The following GRM1 variants were observed in gnomAD, a reference collection of about 807,000 sequenced individuals.
GRM1 encodes metabotropic glutamate receptor 1.
A neutral mutation model predicts 90.9 loss-of-function variants in GRM1; 33 were observed. That is an observed-to-expected ratio of 0.36 (90% CI 0.28 to 0.49). The LOEUF (loss-of-function observed/expected upper bound fraction) is 0.49, where lower values mean the gene tolerates loss of function less well. Among genes scored for constraint, GRM1 ranks in the 20% least tolerant of loss-of-function variants. The probability of loss-of-function intolerance (pLI) is 0.99; values close to 1 mark genes in which losing one functional copy is unlikely to be tolerated. For missense variants in GRM1, 1,190 were observed against 1,534.3 expected (o/e 0.78, Z 3.75); for synonymous variants, 700 against 613.2 (o/e 1.14, Z -2.09).
chr6:146,069,956 A>G (rs1205920972), intron 1 of GRM1, among the ~76,000 whole-genome samples: 2 of 152,188 alleles, frequency 1.3e-5, no homozygotes, highest in Non-Finnish European at 2.9e-5. Context: ...TATAAGATGG[A>G]GGAGATGGGA....
intron 1 of GRM1, among the ~76,000 whole-genome samples, chr6:146,055,098 G>C (rs533392680): frequency 4.6e-5 from 7 of 152,206 alleles, no homozygotes; most frequent in African/African-American, 1.7e-4. Flanking sequence ...AATTAATACA[G>C]CACCTGGCAC....
At chr6:146,174,383 T>A (rs1388693513) in intron 2 of GRM1, among the ~76,000 whole-genome samples, 1 of 152,206 alleles carries the variant, frequency 6.6e-6, no homozygotes, top group African/African-American at 2.4e-5. Context: ...GCTCATCAAA[T>A]ATAGCACATT....
chr6:146,179,513 T>C (rs1038427136), intron 2 of GRM1, among the ~76,000 whole-genome samples: 1 of 152,158 alleles, frequency 6.6e-6, no homozygotes, highest in Non-Finnish European at 1.5e-5. Flanking sequence ...TCAGAACTTT[T>C]TTTGTTTTGT....
chr6:146,209,394 G>T (rs1779604381), intron 2 of GRM1, among the ~76,000 whole-genome samples: 1 of 151,956 alleles, frequency 6.6e-6, no homozygotes, highest in Admixed American at 6.6e-5. Context: ...GGTGAAGGTT[G>T]GTAAAATTTG....
At chr6:146,179,323 G>C (rs967991043) in intron 2 of GRM1, among the ~76,000 whole-genome samples, 1 of 152,142 alleles carries the variant, frequency 6.6e-6, no homozygotes, top group African/African-American at 2.4e-5. Context: ...TTTTGAGCTT[G>C]CAGAGAGATG....
intron 1 of GRM1, among the ~76,000 whole-genome samples, chr6:146,148,336 T>C (rs1777188682): frequency 1.3e-5 from 2 of 152,116 alleles, no homozygotes; most frequent in Non-Finnish European, 2.9e-5. Flanking sequence ...AATAAAACTA[T>C]TGTTAACATT....
intron 1 of GRM1, among the ~76,000 whole-genome samples, chr6:146,112,403 A>G (rs1306283258): frequency 1.3e-5 from 2 of 152,010 alleles, no homozygotes; most frequent in African/African-American, 4.8e-5. Flanking sequence ...CTTTTGAGAT[A>G]AGCAGAACTA....
intron 1 of GRM1, among the ~76,000 whole-genome samples, chr6:146,158,269 G>T (rs1777591091): frequency 6.6e-6 from 1 of 152,154 alleles, no homozygotes; most frequent in Non-Finnish European, 1.5e-5. Flanking sequence ...TGAAATCTAA[G>T]CTGGGCTAAG....
In GRM1 at chr6:146,318,316, C is replaced by A. The variant is rs149948244; in HGVS notation, c.1186+13470C>A. 4.6e-3 allele frequency among the ~76,000 whole-genome samples: 698 copies of A among 152,244 alleles called. 3 individuals carry two copies. Among genetic ancestry groups the A allele is most frequent in the African/African-American group, 0.016 (663 of 41,546 alleles). On this transcript the variant is annotated intron_variant, in intron 3 of 7. Coordinates refer to ENST00000282753, the MANE Select transcript of GRM1 (RefSeq NM_001278064.2). ...GTTTCCAGCTTCATCCATGTCCCTG[C>A]AAAGGACATGAACTCGTCATCCTTT...
chr6:146,180,941 A>G (rs538674437), intron 2 of GRM1, among the ~76,000 whole-genome samples: 2 of 152,340 alleles, frequency 1.3e-5, no homozygotes, highest in East Asian at 3.9e-4. Flanking sequence ...GGCAGGAGAT[A>G]TAATCTTAGT....
At chr6:146,305,067 C>T (rs935887358) in intron 3 of GRM1, among the ~76,000 whole-genome samples, 1 of 147,418 alleles carries the variant, frequency 6.8e-6, no homozygotes, top group African/African-American at 2.5e-5. Context: ...GCAAGTGATA[C>T]GAGATAACAG....
intron 7 of GRM1, among the ~76,000 whole-genome samples, chr6:146,418,398 A>G (rs1777862615): frequency 6.6e-6 from 1 of 151,718 alleles, no homozygotes; most frequent in African/African-American, 2.4e-5. Context: ...AATAATAAAT[A>G]TTTACAGTGT....
chr6:146,248,369 G>A (rs1054314574), intron 2 of GRM1, among the ~76,000 whole-genome samples: 17 of 152,280 alleles, frequency 1.1e-4, no homozygotes, highest in African/African-American at 3.9e-4. Context: ...TCCATTTATC[G>A]AGGGAGGGAC....
intron 2 of GRM1, among the ~76,000 whole-genome samples, chr6:146,269,885 C>T (rs1025432676): frequency 6.6e-6 from 1 of 151,362 alleles, no homozygotes; most frequent in Non-Finnish European, 1.5e-5. Context: ...GGATGGTGAG[C>T]AAACTCATTA....
At chr6:146,416,149 G>T (rs1180772748) in intron 7 of GRM1, among the ~76,000 whole-genome samples, 1 of 151,904 alleles carries the variant, frequency 6.6e-6, no homozygotes, top group African/African-American at 2.4e-5. Context: ...GTTTGATTTT[G>T]CTTTTCAGTC....
At chr6:146,409,927 A>T (rs1299256848) in intron 7 of GRM1, among the ~76,000 whole-genome samples, 1 of 152,200 alleles carries the variant, frequency 6.6e-6, no homozygotes, top group Admixed American at 6.5e-5. Flanking sequence ...GAAATCAATA[A>T]CAGTAGGAAA....
intron 6 of GRM1, among the ~76,000 whole-genome samples, chr6:146,394,040 C>G (rs1300063431): frequency 6.6e-6 from 1 of 151,432 alleles, no homozygotes; most frequent in East Asian, 2.0e-4. Context: ...ATAAATGGTG[C>G]TGGGAAAACT....
chr6:146,339,826 C>G (rs541696571), intron 3 of GRM1, among the ~76,000 whole-genome samples: 1 of 152,314 alleles, frequency 6.6e-6, no homozygotes, highest in African/African-American at 2.4e-5. Context: ...TATCCTTTCC[C>G]TTAACATCAT....
At chr6:146,080,378 A>G (rs1417658328) in intron 1 of GRM1, among the ~76,000 whole-genome samples, 1 of 152,176 alleles carries the variant, frequency 6.6e-6, no homozygotes, top group Non-Finnish European at 1.5e-5. Context: ...ACAAAACACA[A>G]AAACAGAGAA....
Sources: allele counts gnomAD v4.1 joint callset (sites outside exome capture counted in the v4.1 genomes callset), GRCh38; gene constraint gnomAD v4.1.1; transcripts MANE v1.5; gene names NCBI Gene and HGNC (gene_info 2026-07-23, HGNC 2026-07-21).